The following ME1 variants were observed in gnomAD, a reference collection of about 807,000 sequenced individuals.
ME1 encodes malic enzyme 1.
Under a neutral mutation model 66.4 loss-of-function variants are expected in ME1, and 74 were observed. The ratio of observed to expected loss-of-function variants is 1.11; its 90% CI spans 0.92 to 1.35. ME1 has a LOEUF of 1.35. Ranked by LOEUF, ME1 falls within the 40% of genes most tolerant of loss-of-function variation. The pLI is 0.00. For synonymous variants in ME1, 251 were observed against 235.6 expected, an observed-to-expected ratio of 1.07 and a Z score of -0.60; for missense variants, 750 against 694.1, an observed-to-expected ratio of 1.08 and a Z score of -0.90.
intron 5 of ME1, among the ~76,000 whole-genome samples, chr6:83,321,545 C>T (rs191026392): frequency 2.0e-5 from 3 of 152,222 alleles, no homozygotes; most frequent in East Asian, 3.9e-4. Flanking sequence ...GAAGTTTGGA[C>T]TGGGTGAAGC....
chr6:83,226,776 G>C (rs1232601257), intron 11 of ME1, among the ~76,000 whole-genome samples: 1 of 150,024 alleles, frequency 6.7e-6, no homozygotes, highest in African/African-American at 2.5e-5. Flanking sequence ...TCTTTGAAGG[G>C]AAAAAAGGCT....
chr6:83,411,558 T>C (rs1245009831), intron 1 of ME1, among the ~76,000 whole-genome samples: 19 of 152,230 alleles, frequency 1.2e-4, no homozygotes, highest in Non-Finnish European at 1.5e-4. Flanking sequence ...ATTAGAGATA[T>C]ATTTTGTAGA....
At chr6:83,407,976 C>T in intron 1 of ME1, 75 bp from the exon 2 acceptor site, 1 of 1,472,874 alleles carries the variant, frequency 6.8e-7, no homozygotes, top group Non-Finnish European at 9.0e-7. Flanking sequence ...CATATAAAAT[C>T]TGACAAGTAT....
intron 6 of ME1, among the ~76,000 whole-genome samples, chr6:83,258,791 A>T (rs1436416409): frequency 6.6e-6 from 1 of 152,174 alleles, no homozygotes; most frequent in Non-Finnish European, 1.5e-5. Context: ...TCATACTGCT[A>T]GCAGGTGGTA....
chr6:83,301,135 T>G (rs960157346), intron 6 of ME1, among the ~76,000 whole-genome samples: 3 of 152,020 alleles, frequency 2.0e-5, no homozygotes, highest in African/African-American at 7.3e-5. Context: ...ACATGGTACA[T>G]GTATACACAT....
intron 6 of ME1, among the ~76,000 whole-genome samples, chr6:83,268,078 CT>C (rs1767020395): frequency 6.6e-6 from 1 of 152,126 alleles, no homozygotes; most frequent in Admixed American, 6.6e-5. Flanking sequence ...TAAATTGCCA[CT>C]TTTCATTCCT....
chr6:83,255,031 T>TA (rs1162638430), intron 6 of ME1, among the ~76,000 whole-genome samples: 1 of 152,130 alleles, frequency 6.6e-6, no homozygotes, highest in Non-Finnish European at 1.5e-5. Context: ...TCTGATACAA[T>TA]AAAAAACTCT....
chr6:83,288,715 G>C (rs995374881), intron 6 of ME1, among the ~76,000 whole-genome samples: 3 of 152,120 alleles, frequency 2.0e-5, no homozygotes, highest in African/African-American at 7.2e-5. Flanking sequence ...GCTTGATGGG[G>C]ATAGCATTGA....
At chr6:83,415,833 G>C (rs754182622) in intron 1 of ME1, among the ~76,000 whole-genome samples, 8 of 152,042 alleles carry the variant, frequency 5.3e-5, no homozygotes, top group Non-Finnish European at 1.0e-4. Flanking sequence ...AGAGTTTATG[G>C]GGATTTTTTA....
At chr6:83,401,990 G>T (rs796383231) in intron 2 of ME1, among the ~76,000 whole-genome samples, 5 of 152,300 alleles carry the variant, frequency 3.3e-5, no homozygotes, top group African/African-American at 1.2e-4. Context: ...TACTATTCAT[G>T]GACTTACAAA....
chr6:83,355,407 A>G (rs1768869074), intron 3 of ME1, among the ~76,000 whole-genome samples: 1 of 152,170 alleles, frequency 6.6e-6, no homozygotes, highest in Admixed American at 6.5e-5. Flanking sequence ...GTTTCAGGAA[A>G]CACCATTTTT....
At chr6:83,387,272 T>C (rs1473268267) in intron 3 of ME1, among the ~76,000 whole-genome samples, 2 of 152,266 alleles carry the variant, frequency 1.3e-5, no homozygotes, top group South Asian at 4.1e-4. Context: ...GAAAGTTTCA[T>C]TATATTAACC....
intron 6 of ME1, among the ~76,000 whole-genome samples, chr6:83,293,666 A>G (rs753423485): frequency 2.0e-5 from 3 of 152,178 alleles, no homozygotes; most frequent in Non-Finnish European, 4.4e-5. Context: ...AATGTGTGGG[A>G]TGGGGAAAGG....
At chr6:83,353,012 A>G (rs533010546) in intron 3 of ME1, among the ~76,000 whole-genome samples, 1 of 152,264 alleles carries the variant, frequency 6.6e-6, no homozygotes, top group South Asian at 2.1e-4. Flanking sequence ...ATGGTATCAC[A>G]TCCTTTATAG....
At chr6:83,262,369 A>G (rs1190833106) in intron 6 of ME1, among the ~76,000 whole-genome samples, 1 of 152,184 alleles carries the variant, frequency 6.6e-6, no homozygotes, top group Non-Finnish European at 1.5e-5. Context: ...GCCTTCATAT[A>G]AGGGATGCAG....
chr6:83,301,960 G>T (rs888374973), intron 6 of ME1, among the ~76,000 whole-genome samples: 2 of 152,002 alleles, frequency 1.3e-5, no homozygotes, highest in Non-Finnish European at 2.9e-5. Flanking sequence ...GTACCCAAAA[G>T]AATATAAATC....
chr6:83,283,247 AATG>A (rs1186424091), intron 6 of ME1, among the ~76,000 whole-genome samples: 2 of 144,310 alleles, frequency 1.4e-5, no homozygotes, highest in East Asian at 2.0e-4. Context: ...AAAAAAAAAA[AATG>A]ATGAGTTCAT....
chr6:83,386,586 G>A (rs1028158820), intron 3 of ME1, among the ~76,000 whole-genome samples: 11 of 151,828 alleles, frequency 7.2e-5, no homozygotes, highest in Admixed American at 5.3e-4. Context: ...GGACAGCAAG[G>A]CATGTCTACT....
chr6:83,324,721 A>G (rs796898971), intron 5 of ME1, among the ~76,000 whole-genome samples: 2 of 146,446 alleles, frequency 1.4e-5, no homozygotes, highest in East Asian at 4.1e-4. Flanking sequence ...CCAACCAAAA[A>G]AAAAAAAAAA....
Sources: allele counts gnomAD v4.1 joint callset (sites outside exome capture counted in the v4.1 genomes callset), GRCh38; gene constraint gnomAD v4.1.1; transcripts MANE v1.5; gene names NCBI Gene and HGNC (gene_info 2026-07-23, HGNC 2026-07-21).